Variants in ADCY2 observed in about 807,000 individuals in gnomAD.
The protein encoded by ADCY2 is adenylate cyclase type 2.
A neutral mutation model predicts 125.2 loss-of-function variants in ADCY2; 31 were observed. That is an observed-to-expected ratio of 0.25 (90% CI 0.19 to 0.33). The LOEUF (loss-of-function observed/expected upper bound fraction) is 0.33, where lower values mean the gene tolerates loss of function less well. Among genes scored for constraint, ADCY2 ranks in the 10% least tolerant of loss-of-function variants. ADCY2 has a pLI of 1.00. For missense variants in ADCY2, 904 were observed against 1,418.2 expected (o/e 0.64, Z 5.82); for synonymous variants, 512 against 548.4 (o/e 0.93, Z 0.93).
intron 2 of ADCY2, among the ~76,000 whole-genome samples, chr5:7,513,908 AT>A (rs1188034969): frequency 1.3e-5 from 2 of 152,116 alleles, no homozygotes; most frequent in African/African-American, 4.8e-5. Context: ...GTTCACTGAG[AT>A]GTTATTTCCT....
intron 20 of ADCY2, among the ~76,000 whole-genome samples, chr5:7,791,914 T>A (rs372367364): frequency 6.6e-6 from 1 of 151,736 alleles, no homozygotes; most frequent in South Asian, 2.1e-4. Flanking sequence ...AATCTGGAAA[T>A]AAAGTGCTAG....
chr5:7,818,122 A>G (rs1745176572), intron 23 of ADCY2, among the ~76,000 whole-genome samples: 1 of 152,234 alleles, frequency 6.6e-6, no homozygotes, highest in South Asian at 2.1e-4. Flanking sequence ...TTTATATAAG[A>G]GCAGTTCAGG....
At chr5:7,773,146 C>T (rs534022567) in intron 18 of ADCY2, 45 bp downstream of exon 18, 1 of 1,584,280 alleles carries the variant, frequency 6.3e-7, no homozygotes, top group South Asian at 1.1e-5. Flanking sequence ...TCTTTCCCAG[C>T]CTGTGGATAG....
chr5:7,469,899 T>C (rs76838951), intron 2 of ADCY2, among the ~76,000 whole-genome samples: 7,271 of 151,718 alleles, frequency 0.048, 554 homozygotes, highest in African/African-American at 0.16. Flanking sequence ...GGTAAGGCTT[T>C]GTTGTTTTCT....
At chr5:7,550,564 A>G (rs1466252320) in intron 3 of ADCY2, among the ~76,000 whole-genome samples, 1 of 152,168 alleles carries the variant, frequency 6.6e-6, no homozygotes, top group African/African-American at 2.4e-5. Context: ...GACCCCATGA[A>G]ATGTCTATGT....
intron 18 of ADCY2, chr5:7,782,251 C>T (rs1478644337): frequency 1.2e-5 from 2 of 167,146 alleles, no homozygotes; most frequent in African/African-American, 4.8e-5. Flanking sequence ...CAGGAAGACT[C>T]AAGATCTGGG....
intron 14 of ADCY2, among the ~76,000 whole-genome samples, chr5:7,730,300 T>C (rs974818927): frequency 6.6e-6 from 1 of 152,228 alleles, no homozygotes; most frequent in African/African-American, 2.4e-5. Flanking sequence ...AATGCTTGCA[T>C]TGGTTCCATA....
chr5:7,440,948 C>T (rs1303861424), intron 2 of ADCY2, among the ~76,000 whole-genome samples: 2 of 152,106 alleles, frequency 1.3e-5, no homozygotes, highest in Admixed American at 6.5e-5. Flanking sequence ...CTCCACGTTA[C>T]AGGTGAGAAA....
At chr5:7,548,483 A>G (rs1500274) in intron 3 of ADCY2, among the ~76,000 whole-genome samples, 94,631 of 151,396 alleles carry the variant, frequency 0.63, 30,240 homozygotes, top group Non-Finnish European at 0.7. Context: ...GATTTGTAGC[A>G]AATTTTTTTA....
intron 3 of ADCY2, among the ~76,000 whole-genome samples, chr5:7,564,446 C>T (rs913373371): frequency 4.6e-5 from 7 of 152,078 alleles, no homozygotes; most frequent in Non-Finnish European, 7.4e-5. Flanking sequence ...TTTTCTTAGC[C>T]CTCTGCATAT....
At chr5:7,499,935 T>TA (rs1374369702) in intron 2 of ADCY2, among the ~76,000 whole-genome samples, 1 of 151,980 alleles carries the variant, frequency 6.6e-6, no homozygotes, top group East Asian at 1.9e-4. Flanking sequence ...AAAGAAAATT[T>TA]AAAAAACTAC....
chr5:7,698,416 G>A (rs768603056), intron 7 of ADCY2, 42 bp downstream of exon 7: 2 of 1,609,552 alleles, frequency 1.2e-6, no homozygotes, highest in East Asian at 2.2e-5. Flanking sequence ...TATGCTTTAA[G>A]TTCTGGGGTA....
intron 3 of ADCY2, among the ~76,000 whole-genome samples, chr5:7,554,170 A>G (rs1246447543): frequency 6.6e-6 from 1 of 152,368 alleles, no homozygotes; most frequent in Middle Eastern, 3.4e-3. Flanking sequence ...AGTTATGCCA[A>G]GGCCGACCAA....
chr5:7,808,355 T>C (rs1158784184), intron 22 of ADCY2, among the ~76,000 whole-genome samples: 2 of 152,168 alleles, frequency 1.3e-5, no homozygotes, highest in Non-Finnish European at 2.9e-5. Context: ...CAGGGAGTGA[T>C]TGCATCTGTG....
chr5:7,493,476 T>A (rs1463023882), intron 2 of ADCY2, among the ~76,000 whole-genome samples: 2 of 152,082 alleles, frequency 1.3e-5, no homozygotes, highest in African/African-American at 4.8e-5. Context: ...ACTGTAAGGA[T>A]CTGAAAATGG....
chr5:7,413,519 C>T (rs1255262051), intron 1 of ADCY2, among the ~76,000 whole-genome samples: 3 of 151,680 alleles, frequency 2.0e-5, no homozygotes, highest in African/African-American at 7.3e-5. Context: ...AGGATGGTCT[C>T]GATCTCCTGA....
chr5:7,488,027 C>A (rs1743006807), intron 2 of ADCY2, among the ~76,000 whole-genome samples: 1 of 152,088 alleles, frequency 6.6e-6, no homozygotes, highest in Non-Finnish European at 1.5e-5. Flanking sequence ...TGATATTAAT[C>A]ATAAAAGTTA....
Position 7,591,892 on chromosome 5 carries a change from G to C in ADCY2, c.571-34275G>C, listed in dbSNP as rs143518712. Reference sequence around the variant, plus strand: ...CTGGGTTTCTGTTTACACATTTACTGGCCATTTGGATTTCCTTGTCTTTGA... The same window carrying C: ...CTGGGTTTCTGTTTACACATTTACTCGCCATTTGGATTTCCTTGTCTTTGA... On this transcript the variant is annotated intron_variant, in intron 3 of 24. Coordinates refer to ENST00000338316, the MANE Select transcript of ADCY2 (RefSeq NM_020546.3). Among the ~76,000 whole-genome samples, 869 of 152,184 alleles carry C rather than the reference G, an allele frequency of 5.7e-3. 4 individuals carry two copies. The highest frequency in any genetic ancestry group is 9.1e-3 in the Non-Finnish European group (620 of 68,014).
intron 3 of ADCY2, among the ~76,000 whole-genome samples, chr5:7,570,575 A>G (rs1160654887): frequency 6.6e-6 from 1 of 151,826 alleles, no homozygotes; most frequent in African/African-American, 2.4e-5. Flanking sequence ...TGCAGAAAAA[A>G]AGAAGATAAT....
Sources: gnomAD v4.1 joint callset for allele counts (sites outside exome capture counted in the v4.1 genomes callset) on GRCh38, gnomAD v4.1.1 for gene constraint, MANE v1.5 for transcripts, NCBI Gene and HGNC (gene_info 2026-07-23, HGNC 2026-07-21) for gene names.